CYRIB: variants seen among roughly 807,000 people sequenced by gnomAD.
The protein encoded by CYRIB is CYFIP-related Rac1 interactor B.
In CYRIB, 8 loss-of-function variants were observed where a neutral mutation model predicts 44.2. The observed-to-expected ratio is 0.18, with a 90% CI of 0.11 to 0.33. The LOEUF (loss-of-function observed/expected upper bound fraction) is 0.33, where lower values mean the gene tolerates loss of function less well. Ranked by LOEUF, CYRIB falls within the 10% of genes least tolerant of loss-of-function variation. The pLI is 1.00. For missense variants in CYRIB, 185 were observed against 382.8 expected (o/e 0.48, Z 4.31); for synonymous variants, 131 against 127.2 (o/e 1.03, Z -0.20).
intron 2 of CYRIB, chr8:129,890,392 AAAGGTT>A (rs2064779590): frequency 6.6e-6 from 1 of 152,256 alleles, no homozygotes; most frequent in Non-Finnish European, 1.5e-5. Flanking sequence ...CCACTAGCAA[AAAGGTT>A]AAGACCTGCT....
intron 3 of CYRIB, among the ~76,000 whole-genome samples, chr8:129,876,874 A>G (rs1306731911): frequency 4.6e-5 from 7 of 152,232 alleles, no homozygotes. Context: ...AGAAATAAAC[A>G]ATGTAGTACT....
chr8:129,867,869 C>A (rs2054667496), intron 4 of CYRIB, among the ~76,000 whole-genome samples: 2 of 152,232 alleles, frequency 1.3e-5, no homozygotes, highest in African/African-American at 4.8e-5. Flanking sequence ...AGAGCACAAA[C>A]AATTTTATAG....
upstream of CYRIB, among the ~76,000 whole-genome samples, chr8:129,940,194 A>G (rs1164737307): frequency 6.6e-6 from 1 of 152,160 alleles, no homozygotes; most frequent in Non-Finnish European, 1.5e-5. Context: ...GGGCTTGGAA[A>G]TGGCAGGAAC....
At chr8:130,004,513 T>C (rs2096988465) in intron 1 of CYRIB, 1 of 152,198 alleles carries the variant, frequency 6.6e-6, no homozygotes, top group Non-Finnish European at 1.5e-5. Flanking sequence ...ATTGTATTTA[T>C]TTGTATTTGT....
At chr8:129,987,897 C>A (rs1202954617) in intron 1 of CYRIB, among the ~76,000 whole-genome samples, 1 of 152,184 alleles carries the variant, frequency 6.6e-6, no homozygotes, top group Non-Finnish European at 1.5e-5. Context: ...CACAAATCCT[C>A]CGCTGGCTCC....
intron 1 of CYRIB, among the ~76,000 whole-genome samples, chr8:129,999,637 A>C (rs1215219549): frequency 6.6e-6 from 1 of 152,084 alleles, no homozygotes; most frequent in East Asian, 1.9e-4. Context: ...TTGTATTTTT[A>C]ATATGCTGGA....
In CYRIB at chr8:130,013,899, A is replaced by C. The variant is rs532062778; in HGVS notation, c.-296+2471T>G. Among the ~76,000 whole-genome samples the C allele has an allele frequency of 1.1e-4, 16 of 152,336 alleles. No individual in the cohort carries two copies. In the East Asian group the frequency reaches 2.7e-3, roughly 26 times the overall value. On this transcript the variant is annotated intron_variant, in intron 1 of 14. Coordinates refer to the CYRIB transcript ENST00000401979. Reference sequence around the variant, plus strand: ...TCATTCTTCTGCCCATTCTGTCAAAAGACACGTACTGTTTCCTGCATGGGC... The same window carrying C: ...TCATTCTTCTGCCCATTCTGTCAAACGACACGTACTGTTTCCTGCATGGGC...
At chr8:129,855,138 A>T (rs115197199) in intron 6 of CYRIB, among the ~76,000 whole-genome samples, 1 of 152,182 alleles carries the variant, frequency 6.6e-6, no homozygotes, top group African/African-American at 2.4e-5. Flanking sequence ...TTTTTAAACA[A>T]GGTTAAATGA....
intron 2 of CYRIB, among the ~76,000 whole-genome samples, chr8:129,897,290 A>T (rs1022215119): frequency 1.3e-5 from 2 of 152,230 alleles, no homozygotes; most frequent in African/African-American, 2.4e-5. Context: ...AATTTTTAGA[A>T]AAATTTGTAG....
intron 2 of CYRIB, among the ~76,000 whole-genome samples, chr8:129,897,431 C>G (rs2068619038): frequency 6.6e-6 from 1 of 151,890 alleles, no homozygotes; most frequent in Non-Finnish European, 1.5e-5. Flanking sequence ...TTCTCTTTGG[C>G]CTCCTAGAAA....
chr8:130,004,637 T>C lies in CYRIB; in HGVS notation c.-296+11733A>G, dbSNP rs994466003. ...TTTTTGTATATTGTGCATTGTACTT[T>C]ATCGTATATTGTCTACTGCAGTTTC... is the stretch of plus-strand genomic sequence containing the variant. On this transcript the variant is annotated intron_variant, in intron 1 of 14. Transcript: ENST00000401979. 3.9e-5 allele frequency: 6 copies of C among 152,096 alleles called. No individual in the cohort carries two copies. The East Asian group carries it at 1.2e-3, about 29-fold the overall frequency. 9.4% of individuals were successfully genotyped at this position (152,096 alleles called of 1,614,324 possible).
intron 2 of CYRIB, among the ~76,000 whole-genome samples, chr8:129,879,946 C>A (rs975740341): frequency 6.6e-6 from 1 of 152,110 alleles, no homozygotes; most frequent in Admixed American, 6.5e-5. Context: ...TTCCTGCATG[C>A]GGTTCAATAA....
intron 1 of CYRIB, among the ~76,000 whole-genome samples, chr8:129,907,653 T>C (rs955412192): frequency 6.6e-6 from 1 of 152,190 alleles, no homozygotes; most frequent in African/African-American, 2.4e-5. Context: ...ACATGAGTTA[T>C]TACTTCAGAC....
At chr8:129,867,232 T>C (rs908674481) in intron 4 of CYRIB, among the ~76,000 whole-genome samples, 4 of 151,714 alleles carry the variant, frequency 2.6e-5, no homozygotes, top group Non-Finnish European at 5.9e-5. Flanking sequence ...CAAGTGATTC[T>C]CTTGTCTCAG....
chr8:129,987,110 T>C (rs2096484137), intron 1 of CYRIB, among the ~76,000 whole-genome samples: 1 of 152,188 alleles, frequency 6.6e-6, no homozygotes, highest in Admixed American at 6.5e-5. Flanking sequence ...GATAAAAACC[T>C]GAATCCAAGC....
At chr8:129,988,638 T>C (rs915875539) in intron 1 of CYRIB, among the ~76,000 whole-genome samples, 1 of 152,152 alleles carries the variant, frequency 6.6e-6, no homozygotes, top group Non-Finnish European at 1.5e-5. Flanking sequence ...TGGATAAATA[T>C]TGAAAGGACC....
chr8:129,842,614 C>T (rs966915103), intron 11 of CYRIB, among the ~76,000 whole-genome samples: 4 of 151,462 alleles, frequency 2.6e-5, no homozygotes, highest in African/African-American at 9.8e-5. Flanking sequence ...GACTGGGGGG[C>T]AAAGGAAGAC....
rs202101459 is a variant in CYRIB at position 129,868,246 on chromosome 8, TTC to T, written c.195+3127_195+3128del. On this transcript the variant is annotated intron_variant, in intron 4 of 11. Transcript: ENST00000519824. ...TTTGTATCATTAAACCTGCATCAAC[TTC>T]TCAACAAAAATTTCAACTGCTTCAA... is the stretch of plus-strand genomic sequence containing the variant. 6.6e-3 allele frequency among the ~76,000 whole-genome samples: 1,004 copies of T among 152,314 alleles called. 10 individuals carry two copies. The highest frequency in any genetic ancestry group is 0.022 in the African/African-American group (927 of 41,574).
chr8:129,886,046 G>A (rs1183029535), intron 2 of CYRIB, among the ~76,000 whole-genome samples: 1 of 152,134 alleles, frequency 6.6e-6, no homozygotes, highest in Non-Finnish European at 1.5e-5. Flanking sequence ...TACTTCTCCT[G>A]CCTGCTTTTG....
Sources: gnomAD v4.1 joint callset for allele counts (sites outside exome capture counted in the v4.1 genomes callset) on GRCh38, gnomAD v4.1.1 for gene constraint, MANE v1.5 for transcripts, NCBI Gene and HGNC (gene_info 2026-07-23, HGNC 2026-07-21) for gene names.